Variants in PARVA observed in about 807,000 individuals in gnomAD.
PARVA encodes alpha-parvin.
A neutral mutation model predicts 52.6 loss-of-function variants in PARVA; 25 were observed. The observed-to-expected ratio is 0.48, with a 90% CI of 0.35 to 0.66. PARVA has a LOEUF of 0.66. PARVA is among the 30% of genes least tolerant of loss of function. The pLI is 0.01. For missense variants in PARVA, 373 were observed against 450.9 expected (o/e 0.83, Z 1.56); for synonymous variants, 185 against 179.1 (o/e 1.03, Z -0.26).
At chr11:12,441,481 A>ATT (rs1187176638) in intron 1 of PARVA, among the ~76,000 whole-genome samples, 3 of 152,280 alleles carry the variant, frequency 2.0e-5, no homozygotes, top group Non-Finnish European at 4.4e-5. Context: ...TTCGGGGGTA[A>ATT]TTGGCTTAAA....
chr11:12,504,793 G>GTGTGTGTC (rs57090509), intron 6 of PARVA, among the ~76,000 whole-genome samples: 2 of 151,662 alleles, frequency 1.3e-5, no homozygotes, highest in South Asian at 2.1e-4. Flanking sequence ...GTGTGTGTGT[G>GTGTGTGTC]AGTTTGTGTA....
intron 1 of PARVA, among the ~76,000 whole-genome samples, chr11:12,457,545 C>G (rs751111225): frequency 1.6e-4 from 25 of 152,224 alleles, no homozygotes; most frequent in Non-Finnish European, 3.5e-4. Flanking sequence ...TCAGCCTTCC[C>G]CATTCCAGCT....
At chr11:12,459,372 G>A (rs911711580) in intron 1 of PARVA, among the ~76,000 whole-genome samples, 3 of 151,624 alleles carry the variant, frequency 2.0e-5, no homozygotes, top group Non-Finnish European at 4.4e-5. Context: ...ATTACTGCAC[G>A]CCAGCTTGGG....
chr11:12,411,036 T>C (rs1939985983), intron 1 of PARVA, among the ~76,000 whole-genome samples: 1 of 152,200 alleles, frequency 6.6e-6, no homozygotes, highest in Non-Finnish European at 1.5e-5. Flanking sequence ...GTATGGTACT[T>C]AGCAGAGTAC....
At position 12,402,915 on chromosome 11, in the gene PARVA, A is replaced by G. The variant is rs139770169; in HGVS notation, c.136+25132A>G. Among the ~76,000 whole-genome samples the G allele has an allele frequency of 6.3e-3, 951 of 152,154 alleles. 7 individuals are homozygous for G. The highest frequency in any genetic ancestry group is 0.017 in the Middle Eastern group (5 of 294). ...AACCGAGTCTCAGAAATCCAAATAC[A>G]TTTTTCTGATGCTGATGGTAACTTT... On this transcript the variant is annotated intron_variant, in intron 1 of 12. Coordinates refer to ENST00000334956, the MANE Select transcript of PARVA (RefSeq NM_018222.5).
intron 1 of PARVA, among the ~76,000 whole-genome samples, chr11:12,396,931 TCTTTC>T (rs71037067): frequency 5.5e-5 from 8 of 145,552 alleles, no homozygotes; most frequent in Non-Finnish European, 9.1e-5. Flanking sequence ...GTACTTGTTT[TCTTTC>T]CTTTCCTTTC....
At position 12,528,758 on chromosome 11, in the gene PARVA, G is replaced by A. The variant is rs1426290949; in HGVS notation, c.*833G>A. On this transcript the variant is annotated 3_prime_UTR_variant, in exon 13 of 13. Coordinates refer to ENST00000334956, the MANE Select transcript of PARVA (RefSeq NM_018222.5). ...TTAACCCAATTAATAGTGTGTGTGT[G>A]GCAGGAGTCATGTCCCTCACATCCT... 3 of 152,602 alleles carry A rather than the reference G, an allele frequency of 2.0e-5. No individual in the cohort carries two copies. Among genetic ancestry groups the A allele is most frequent in the Admixed American group, 6.5e-5 (1 of 15,276 alleles). The allele number at this position is 152,602 out of a possible 1,614,324, so 9.5% of individuals were successfully genotyped here.
rs1323521377 is a variant in PARVA, at chr11:12,532,936, G to A, written c.*5011G>A. Reference sequence around the variant, plus strand: ...CCTTTTTAAATGTCCCACTGTGTAGGAAAACTCTGGGGAAAGCTACGTCAG... The same window carrying A: ...CCTTTTTAAATGTCCCACTGTGTAGAAAAACTCTGGGGAAAGCTACGTCAG... On this transcript the variant is annotated 3_prime_UTR_variant, in exon 13 of 13. Coordinates refer to ENST00000334956, the MANE Select transcript of PARVA (RefSeq NM_018222.5). 6.6e-6 allele frequency among the ~76,000 whole-genome samples: 1 copy of A among 152,212 alleles called. No homozygotes were observed. Among genetic ancestry groups the A allele is most frequent in the Non-Finnish European group, 1.5e-5 (1 of 68,028 alleles).
At chr11:12,426,410 A>G (rs1007625199) in intron 1 of PARVA, among the ~76,000 whole-genome samples, 2 of 152,086 alleles carry the variant, frequency 1.3e-5, no homozygotes, top group African/African-American at 4.8e-5. Context: ...GGGGAGTGGC[A>G]TGGGGTGAGG....
At chr11:12,448,644 T>C (rs1203476709) in intron 1 of PARVA, among the ~76,000 whole-genome samples, 1 of 152,172 alleles carries the variant, frequency 6.6e-6, no homozygotes, top group Non-Finnish European at 1.5e-5. Flanking sequence ...ACAGTGATGC[T>C]GTTGAGCCCG....
intron 12 of PARVA, among the ~76,000 whole-genome samples, chr11:12,524,488 G>A (rs1941676505): frequency 6.6e-6 from 1 of 152,146 alleles, no homozygotes; most frequent in African/African-American, 2.4e-5. Flanking sequence ...AAATCCCCCT[G>A]CCTCTATCAG....
chr11:12,396,374 G>A (rs1050990003), intron 1 of PARVA, among the ~76,000 whole-genome samples: 1 of 151,980 alleles, frequency 6.6e-6, no homozygotes, highest in Non-Finnish European at 1.5e-5. Flanking sequence ...AATTTGTCTA[G>A]TTTGTCCATT....
At chr11:12,421,819 A>G (rs1283604134) in intron 1 of PARVA, among the ~76,000 whole-genome samples, 4 of 152,232 alleles carry the variant, frequency 2.6e-5, no homozygotes, top group Admixed American at 1.3e-4. Context: ...CATTCAACAA[A>G]TATTGGGGCT....
intron 1 of PARVA, among the ~76,000 whole-genome samples, chr11:12,437,049 T>G (rs1332570097): frequency 1.3e-5 from 2 of 152,222 alleles, no homozygotes; most frequent in African/African-American, 4.8e-5. Flanking sequence ...TACAGCAATT[T>G]GACATTGTTG....
At chr11:12,516,179 G>T (rs997829590) in intron 10 of PARVA, among the ~76,000 whole-genome samples, 2 of 152,182 alleles carry the variant, frequency 1.3e-5, no homozygotes, top group South Asian at 4.1e-4. Context: ...AGGGTCTTGT[G>T]CCCTTAATGA....
Position 12,377,804 on chromosome 11 carries a change from CG to C in PARVA, c.136+24del. The C allele has an allele frequency of 2.0e-6, 3 of 1,471,776 alleles. No homozygotes were observed. The South Asian group carries it at 4.0e-5, about 19-fold the overall frequency. 91.2% of individuals were successfully genotyped at this position (1,471,776 alleles called of 1,614,324 possible). ...GGAGGGTGAGTGCGGCCAGGCCGGC[CG>C]GGCGGGCGGTAGGAGCCGGGGGTGC... On this transcript the variant is annotated intron_variant, in intron 1 of 12. Coordinates refer to ENST00000334956, the MANE Select transcript of PARVA (RefSeq NM_018222.5).
At chr11:12,400,952 A>C in intron 1 of PARVA, among the ~76,000 whole-genome samples, 1 of 152,184 alleles carries the variant, frequency 6.6e-6, no homozygotes, top group East Asian at 1.9e-4. Flanking sequence ...GTCTGGCAAT[A>C]AATGTTGACC....
chr11:12,493,674 C>T (rs533300880), intron 4 of PARVA, among the ~76,000 whole-genome samples: 140 of 150,660 alleles, frequency 9.3e-4, no homozygotes, highest in African/African-American at 3.3e-3. Context: ...GTACCATAGA[C>T]TAGTTAAATA....
chr11:12,471,599 A>ACG (rs1940935216), intron 1 of PARVA, among the ~76,000 whole-genome samples: 1 of 151,682 alleles, frequency 6.6e-6, no homozygotes, highest in South Asian at 2.1e-4. Context: ...GCAAACTAAC[A>ACG]GGAGCAGAAA....
Sources: allele counts gnomAD v4.1 joint callset (sites outside exome capture counted in the v4.1 genomes callset), GRCh38; gene constraint gnomAD v4.1.1; transcripts MANE v1.5; gene names NCBI Gene and HGNC (gene_info 2026-07-23, HGNC 2026-07-21).